TFDP1: variants seen among roughly 807,000 people sequenced by gnomAD.
TFDP1 encodes DRTF1-polypeptide 1.
A neutral mutation model predicts 48.0 loss-of-function variants in TFDP1; 6 were observed. The ratio of observed to expected loss-of-function variants is 0.13; its 90% CI spans 0.07 to 0.25. TFDP1 has a LOEUF of 0.25. TFDP1 is among the 10% of genes least tolerant of loss of function. The pLI is 1.00. For synonymous variants in TFDP1, 201 were observed against 211.6 expected (o/e 0.95, Z 0.44); for missense variants, 335 against 543.0 (o/e 0.62, Z 3.81).
chr13:113,630,876 G>A (rs1392119695), intron 4 of TFDP1, among the ~76,000 whole-genome samples: 1 of 138,990 alleles, frequency 7.2e-6, no homozygotes, highest in African/African-American at 2.6e-5. Flanking sequence ...GGGCGGGTGG[G>A]TCAGTGTCCA....
Position 113,627,536 on chromosome 13 carries a change from A to G in TFDP1, c.187-4087A>G, listed in dbSNP as rs1157011675. The stretch of plus-strand genomic sequence containing the variant: ...GGATTCTGTGTCTGAGTGGGGTCAC[A>G]CTACACGGAGACATCGTAATCTCAG... On this transcript the variant is annotated intron_variant, in intron 4 of 11. Transcript: ENST00000375370. This position sits in a 1 kb window ranked among gnomAD's most constrained non-coding sequence, Gnocchi z 4.1. Among the ~76,000 whole-genome samples the G allele has an allele frequency of 6.6e-6, 1 of 152,200 alleles. No homozygotes were observed. Among genetic ancestry groups the G allele is most frequent in the East Asian group, 1.9e-4 (1 of 5,196 alleles).
chr13:113,616,012 A>G (rs1204682278), intron 3 of TFDP1, among the ~76,000 whole-genome samples: 1 of 152,014 alleles, frequency 6.6e-6, no homozygotes, highest in African/African-American at 2.4e-5. Context: ...AGACCAGCCT[A>G]GCCAACATGA....
In TFDP1 at chr13:113,637,131, C is replaced by T. The variant is rs1298068371; in HGVS notation, c.1006+431C>T. The T allele has an allele frequency of 2.8e-5, 5 of 178,292 alleles. 1 individual carries two copies. Among genetic ancestry groups the T allele is most frequent in the Non-Finnish European group, 1.2e-5 (1 of 84,816 alleles). The allele number at this position is 178,292 out of a possible 1,614,324, so 11.0% of individuals were successfully genotyped here. The stretch of plus-strand genomic sequence containing the variant: ...TTTCAGAGTCATTGGCGTCCTGCTC[C>T]GGAGGGCCGGGAGCACAGGAGCTTT... On this transcript the variant is annotated intron_variant, in intron 10 of 11. Transcript: ENST00000375370.
intron 2 of TFDP1, among the ~76,000 whole-genome samples, chr13:113,588,155 G>C (rs571659728): frequency 6.6e-6 from 1 of 152,362 alleles, no homozygotes; most frequent in East Asian, 1.9e-4. Context: ...CAGCCCACCA[G>C]TTAGGTTTTT....
chr13:113,607,375 G>A lies in TFDP1; in HGVS notation c.13-3621G>A, dbSNP rs2048595964. Reference sequence around the variant, plus strand: ...AGGCCAAGGCTGTGGATTTTGAAGTGCTGTCTGCCATTTCCACTTTCAGAA... The same window carrying A: ...AGGCCAAGGCTGTGGATTTTGAAGTACTGTCTGCCATTTCCACTTTCAGAA... On this transcript the variant is annotated intron_variant, in intron 2 of 11. Coordinates refer to ENST00000375370, the MANE Select transcript of TFDP1 (RefSeq NM_007111.5). The surrounding 1 kb of genome is among the most constrained non-coding windows in gnomAD (Gnocchi z 5.2). Among the ~76,000 whole-genome samples the A allele has an allele frequency of 6.6e-6, 1 of 152,250 alleles. No homozygotes were observed. Among genetic ancestry groups the A allele is most frequent in the Admixed American group, 6.5e-5 (1 of 15,294 alleles).
At chr13:113,610,146 G>T (rs2048671845) in intron 2 of TFDP1, among the ~76,000 whole-genome samples, 1 of 151,008 alleles carries the variant, frequency 6.6e-6, no homozygotes, top group African/African-American at 2.5e-5. Flanking sequence ...TGTCATGTGT[G>T]TGCCCCTGCT....
At chr13:113,636,186 C>A in intron 9 of TFDP1, 58 bp downstream of exon 9, 1 of 1,585,220 alleles carries the variant, frequency 6.3e-7, no homozygotes. Context: ...AGGGAGCCGA[C>A]CCTGTTGGTA....
intron 2 of TFDP1, among the ~76,000 whole-genome samples, chr13:113,593,060 G>T (rs1458914363): frequency 6.7e-6 from 1 of 149,612 alleles, no homozygotes; most frequent in Non-Finnish European, 1.5e-5. Flanking sequence ...GCCCTGCCCA[G>T]GTGACAGGTG....
rs998356364 is a variant in TFDP1 at position 113,636,573 on chromosome 13, C to G, written c.879C>G (p.Ile293Met). 6.2e-7 allele frequency: 1 copy of G among 1,614,184 alleles called. No individual in the cohort carries two copies. Among genetic ancestry groups the G allele is most frequent in the Non-Finnish European group, 8.5e-7 (1 of 1,180,020 alleles). Residue 293 changes from isoleucine to methionine, a missense_variant, in exon 10 of 12, where the codon ATC (isoleucine) becomes ATG (methionine). By Grantham distance (10) the Ile-to-Met change is conservative (BLOSUM62 1). Around this residue, in one of 3 missense-constraint regions of TFDP1, gnomAD observed 204 missense variants for 287.1 expected, o/e 0.71. Transcript: ENST00000375370. ...YLFNFDNTFEIHDDIEVLKRM... is the reference protein window; with the variant it reads ...YLFNFDNTFEMHDDIEVLKRM... ...TTAATTTTGACAACACATTTGAAATCCACGATGACATAGAAGTGCTGAAGC... is the reference window on the plus strand; with the variant it reads ...TTAATTTTGACAACACATTTGAAATGCACGATGACATAGAAGTGCTGAAGC...
chr13:113,632,618 A>G (rs548890481), intron 5 of TFDP1, among the ~76,000 whole-genome samples: 3 of 152,328 alleles, frequency 2.0e-5, no homozygotes, highest in Non-Finnish European at 2.9e-5. Context: ...TCTATTAAAA[A>G]TACAAAAAAA....
At chr13:113,634,827 ATGTGTGTG>A (rs377583319) in intron 8 of TFDP1, among the ~76,000 whole-genome samples, 4 of 148,122 alleles carry the variant, frequency 2.7e-5, no homozygotes, top group Admixed American at 1.3e-4. Flanking sequence ...GCATGCATGC[ATGTGTGTG>A]TGTGTGCATG....
chr13:113,635,184 G>T (rs1261892565), intron 8 of TFDP1, among the ~76,000 whole-genome samples: 2 of 152,196 alleles, frequency 1.3e-5, no homozygotes, highest in Non-Finnish European at 2.9e-5. Flanking sequence ...GGCACCACTG[G>T]GGGCCCCGTG....
At chr13:113,610,306 CGT>C (rs2048676341) in intron 2 of TFDP1, among the ~76,000 whole-genome samples, 1 of 151,900 alleles carries the variant, frequency 6.6e-6, no homozygotes, top group South Asian at 2.1e-4. Context: ...TGTACTGTCA[CGT>C]GTGTGCCCTG....
intron 2 of TFDP1, among the ~76,000 whole-genome samples, chr13:113,597,900 TG>T (rs1051587124): frequency 6.6e-6 from 1 of 152,184 alleles, no homozygotes; most frequent in African/African-American, 2.4e-5. Flanking sequence ...CCCTGGGCAC[TG>T]TTTAGAATGA....
At chr13:113,595,822 C>T (rs1174116074) in intron 2 of TFDP1, among the ~76,000 whole-genome samples, 3 of 152,238 alleles carry the variant, frequency 2.0e-5, no homozygotes, top group Non-Finnish European at 4.4e-5. Flanking sequence ...GTGGCTCACG[C>T]CTGTAATCCC....
At chr13:113,613,222 G>A (rs1305235545) in intron 3 of TFDP1, among the ~76,000 whole-genome samples, 1 of 152,192 alleles carries the variant, frequency 6.6e-6, no homozygotes, top group Admixed American at 6.5e-5. Context: ...CACCATGTTG[G>A]TCAGACTGGT....
At chr13:113,634,178 C>G (rs758333109) in intron 7 of TFDP1, 145 bp downstream of exon 7, 3 of 1,163,332 alleles carry the variant, frequency 2.6e-6, no homozygotes, top group Non-Finnish European at 3.8e-6. Flanking sequence ...CGTCTCCCTG[C>G]GTTTCTCAGT....
At chr13:113,620,568 C>T (rs1260373802) in intron 3 of TFDP1, among the ~76,000 whole-genome samples, 2 of 152,188 alleles carry the variant, frequency 1.3e-5, no homozygotes, top group East Asian at 1.9e-4. Flanking sequence ...TGTTTAATTG[C>T]GTACTTTAAA....
chr13:113,630,087 A>C (rs967614589), intron 4 of TFDP1, among the ~76,000 whole-genome samples: 9 of 152,130 alleles, frequency 5.9e-5, no homozygotes, highest in Non-Finnish European at 1.2e-4. Flanking sequence ...GCGCGCTCTC[A>C]GGCAGCCTGA....
Sources: allele counts gnomAD v4.1 joint callset (sites outside exome capture counted in the v4.1 genomes callset), GRCh38; gene constraint gnomAD v4.1.1; regional missense constraint gnomAD v4.1.1; non-coding constraint Gnocchi (gnomAD v3.1); transcripts MANE v1.5; gene names NCBI Gene and HGNC (gene_info 2026-07-23, HGNC 2026-07-21).